The following WWOX variants were observed in gnomAD, a reference collection of about 807,000 sequenced individuals.
The protein encoded by WWOX is WW domain containing oxidoreductase, also known as WW domain-containing oxidoreductase.
In WWOX, 69 loss-of-function variants were observed where a neutral mutation model predicts 46.2. That is an observed-to-expected ratio of 1.49 (90% CI 1.23 to 1.82). The LOEUF (loss-of-function observed/expected upper bound fraction) is 1.82. Among genes scored for constraint, WWOX ranks in the 40% most tolerant of loss-of-function variants. WWOX has a pLI of 0.00. For synonymous variants in WWOX, 359 were observed against 202.6 expected (o/e 1.77, Z -6.56); for missense variants, 919 against 542.6 (o/e 1.69, Z -6.89).
At chr16:79,203,202 A>G (rs553514371) in intron 8 of WWOX, 1 of 152,208 alleles carries the variant, frequency 6.6e-6, no homozygotes, top group African/African-American at 2.4e-5. Flanking sequence ...TGCCTAAGCT[A>G]TCACCATTAA....
At chr16:78,633,389 C>G (rs2046487461) in intron 8 of WWOX, among the ~76,000 whole-genome samples, 1 of 152,202 alleles carries the variant, frequency 6.6e-6, no homozygotes, top group Non-Finnish European at 1.5e-5. Context: ...TGCAATTTTT[C>G]ATTCACCCCT....
intron 5 of WWOX, among the ~76,000 whole-genome samples, chr16:78,312,087 C>G (rs531963177): frequency 6.6e-6 from 1 of 152,174 alleles, no homozygotes; most frequent in African/African-American, 2.4e-5. Flanking sequence ...GTCTCTGGTT[C>G]TTTGTCTTTT....
At chr16:78,937,183 A>G (rs1296641295) in intron 8 of WWOX, among the ~76,000 whole-genome samples, 3 of 152,160 alleles carry the variant, frequency 2.0e-5, no homozygotes, top group Admixed American at 2.0e-4. Context: ...ATACATATGG[A>G]TTTTTGGAGA....
chr16:78,979,255 C>G (rs2046633833), intron 8 of WWOX, among the ~76,000 whole-genome samples: 1 of 152,092 alleles, frequency 6.6e-6, no homozygotes. Flanking sequence ...CAAGCCATCC[C>G]CATTCCCACC....
At chr16:78,141,081 C>T (rs537336028) in intron 4 of WWOX, among the ~76,000 whole-genome samples, 2 of 152,288 alleles carry the variant, frequency 1.3e-5, no homozygotes, top group African/African-American at 4.8e-5. Flanking sequence ...TATCATCAGA[C>T]ATTAGGAACC....
At chr16:78,672,260 C>G (rs2047482710) in intron 8 of WWOX, among the ~76,000 whole-genome samples, 1 of 152,168 alleles carries the variant, frequency 6.6e-6, no homozygotes, top group Admixed American at 6.5e-5. Context: ...ATAACCGTAG[C>G]ATAAAACTGT....
At chr16:78,256,060 GA>G (rs1313426600) in intron 5 of WWOX, among the ~76,000 whole-genome samples, 1 of 142,392 alleles carries the variant, frequency 7.0e-6, no homozygotes, top group Admixed American at 7.9e-5. Context: ...TGAGGCAGGA[GA>G]ATCACTCGAA....
intron 8 of WWOX, among the ~76,000 whole-genome samples, chr16:78,471,676 C>G (rs2084225463): frequency 6.6e-6 from 1 of 152,134 alleles, no homozygotes; most frequent in African/African-American, 2.4e-5. Flanking sequence ...ATTTGAAAAT[C>G]TTTATTTGGG....
intron 5 of WWOX, among the ~76,000 whole-genome samples, chr16:78,257,663 T>C (rs1597409793): frequency 6.7e-6 from 1 of 150,166 alleles, no homozygotes; most frequent in East Asian, 2.0e-4. Flanking sequence ...CCATCTCCAT[T>C]CCTTCTGCAT....
At chr16:78,793,712 A>G (rs1187274456) in intron 8 of WWOX, among the ~76,000 whole-genome samples, 1 of 152,156 alleles carries the variant, frequency 6.6e-6, no homozygotes, top group East Asian at 1.9e-4. Flanking sequence ...AATGTTGCAA[A>G]TGCAACTCAT....
chr16:78,323,508 C>G (rs912785121), intron 5 of WWOX, among the ~76,000 whole-genome samples: 2 of 152,120 alleles, frequency 1.3e-5, no homozygotes, highest in Admixed American at 6.5e-5. Context: ...CTACCCTCCT[C>G]TTTGAGCTCT....
At chr16:78,722,781 C>G (rs1321627690) in intron 8 of WWOX, among the ~76,000 whole-genome samples, 1 of 145,582 alleles carries the variant, frequency 6.9e-6, no homozygotes, top group African/African-American at 2.5e-5. Flanking sequence ...TGGCTCATGG[C>G]TGTAATCTCA....
chr16:79,079,647 C>T (rs2048724254), intron 8 of WWOX, among the ~76,000 whole-genome samples: 1 of 152,224 alleles, frequency 6.6e-6, no homozygotes, highest in Non-Finnish European at 1.5e-5. Flanking sequence ...CACCATCCTT[C>T]ACTCATCTTA....
At chr16:78,560,082 A>AT (rs1409803088) in intron 8 of WWOX, among the ~76,000 whole-genome samples, 2 of 152,100 alleles carry the variant, frequency 1.3e-5, no homozygotes, top group Admixed American at 6.6e-5. Context: ...TTACAAGGCC[A>AT]TTTTTTTCTC....
chr16:78,664,368 A>C (rs1417264328), intron 8 of WWOX, among the ~76,000 whole-genome samples: 1 of 152,160 alleles, frequency 6.6e-6, no homozygotes, highest in Non-Finnish European at 1.5e-5. Context: ...GTGATGTGGA[A>C]TGACTGCCCA....
At chr16:78,896,240 A>G (rs375204485) in intron 8 of WWOX, 1 of 151,890 alleles carries the variant, frequency 6.6e-6, no homozygotes, top group Non-Finnish European at 1.5e-5. Flanking sequence ...AAAAAAAGTC[A>G]CCAAGTTGTT....
chr16:78,700,422 G>T (rs924918833), intron 8 of WWOX, among the ~76,000 whole-genome samples: 2 of 151,794 alleles, frequency 1.3e-5, no homozygotes, highest in African/African-American at 4.8e-5. Flanking sequence ...TATTACTTCT[G>T]AGAGGCCCTA....
intron 8 of WWOX, among the ~76,000 whole-genome samples, chr16:78,533,445 T>G (rs547149533): frequency 2.0e-5 from 3 of 151,870 alleles, no homozygotes; most frequent in Admixed American, 2.0e-4. Flanking sequence ...AATCTCATAA[T>G]GTTTTAAGAA....
chr16:78,560,432 C>T (rs1027789616), intron 8 of WWOX, among the ~76,000 whole-genome samples: 6 of 152,162 alleles, frequency 3.9e-5, no homozygotes, highest in Non-Finnish European at 8.8e-5. Context: ...CACCTGAGGT[C>T]AGGAGTTCAA....
Sources: gnomAD v4.1 joint callset for allele counts (sites outside exome capture counted in the v4.1 genomes callset) on GRCh38, gnomAD v4.1.1 for gene constraint, MANE v1.5 for transcripts, NCBI Gene and HGNC (gene_info 2026-07-23, HGNC 2026-07-21) for gene names.